Variants in AP5Z1 observed in about 807,000 individuals in gnomAD.
AP5Z1 encodes AP-5 complex subunit zeta-1.
Under a neutral mutation model 83.0 loss-of-function variants are expected in AP5Z1, and 106 were observed. That is an observed-to-expected ratio of 1.28 (90% CI 1.09 to 1.50). The LOEUF is 1.50. AP5Z1 is among the 40% of genes most tolerant of loss of function. The pLI is 0.00. For synonymous variants in AP5Z1, 751 were observed against 514.1 expected (o/e 1.46, Z -6.23); for missense variants, 1,565 against 1,094.2 (o/e 1.43, Z -6.07).
chr7:4,790,144 G>A, intron 14 of AP5Z1: 1 of 1,484,208 alleles, frequency 6.7e-7, no homozygotes. Flanking sequence ...TTTCTGCCGA[G>A]CCTGTCCTCT....
At chr7:4,778,618 T>G (rs1781285053) in intron 1 of AP5Z1, among the ~76,000 whole-genome samples, 1 of 151,844 alleles carries the variant, frequency 6.6e-6, no homozygotes, top group South Asian at 2.1e-4. Context: ...GGTTGGATTT[T>G]AGAGAGAAGC....
At chr7:4,790,990 G>A in intron 16 of AP5Z1, 103 bp downstream of exon 16, 1 of 1,470,356 alleles carries the variant, frequency 6.8e-7, no homozygotes, top group Non-Finnish European at 9.0e-7. Flanking sequence ...CAGCAGCGCA[G>A]GTCCTGGGTG....
Position 4,788,879 on chromosome 7 carries a change from CTGTGCCCGCGTGGCCCAG to C in AP5Z1, c.1643_1660del (p.Arg548_Ala553del). On this transcript the variant is annotated inframe_deletion, in exon 13 of 17. Coordinates refer to ENST00000649063, the MANE Select transcript of AP5Z1 (RefSeq NM_014855.3). ...ACCAGCTGCTGCAGCCCATGGCCGG[CTGTGCCCGCGTGGCCCAG>C]TGTGCCCAGGCCGTGCCCACGCTGC... 1 of 1,610,236 alleles carries C rather than the reference CTGTGCCCGCGTGGCCCAG, an allele frequency of 6.2e-7. No individual in the cohort carries two copies. The highest frequency in any genetic ancestry group is 8.5e-7 in the Non-Finnish European group (1 of 1,179,040).
intron 16 of AP5Z1, 51 bp from the exon 17 acceptor site, chr7:4,791,062 CCT>C (rs1562415370): frequency 1.3e-6 from 2 of 1,511,786 alleles, no homozygotes; most frequent in South Asian, 1.3e-5. Flanking sequence ...CACACAGACC[CCT>C]GTCCTGGGAG....
At position 4,784,988 on chromosome 7, in the gene AP5Z1, G is replaced by C. The variant is rs771137808; in HGVS notation, c.871G>C (p.Glu291Gln). 1.2e-6 allele frequency: 2 copies of C among 1,612,106 alleles called. No homozygotes were observed. Among genetic ancestry groups the C allele is most frequent in the Non-Finnish European group, 1.7e-6 (2 of 1,179,486 alleles). Residue 291 changes from glutamate (E) to glutamine (Q), a missense_variant, in exon 7 of 17, where the codon GAG becomes CAG. Transcript: ENST00000649063. The part of the protein sequence containing the change: ...SSAGRLLPPR[E>Q]RLREVAFEYC... ...TGCCGGCCGCCTGCTGCCGCCCCGG[G>C]AGCGGCTTCGGGAGGTGGCCTTCGA...
At chr7:4,778,766 T>G (rs2115097646) in intron 1 of AP5Z1, among the ~76,000 whole-genome samples, 1 of 146,586 alleles carries the variant, frequency 6.8e-6, no homozygotes, top group African/African-American at 2.5e-5. Flanking sequence ...ATATTATATA[T>G]TACATATATA....
At chr7:4,789,236 C>T (rs1045972450) in intron 13 of AP5Z1, among the ~76,000 whole-genome samples, 14 of 152,108 alleles carry the variant, frequency 9.2e-5, no homozygotes, top group African/African-American at 3.1e-4. Context: ...CCCTTCATCC[C>T]GGCAGGTCCT....
At chr7:4,788,694 C>G (rs978695042) in intron 12 of AP5Z1, 146 bp from the exon 13 acceptor site, 3 of 705,602 alleles carry the variant, frequency 4.3e-6, no homozygotes. Flanking sequence ...TCTCCCCAAA[C>G]CCAGGGGAGC....
chr7:4,785,283 C>G (rs543413744), intron 7 of AP5Z1, 132 bp from the exon 8 acceptor site: 54 of 1,352,950 alleles, frequency 4.0e-5, no homozygotes, highest in African/African-American at 1.9e-4. Flanking sequence ...CAGTCCCACT[C>G]AAGTCCTCCT....
rs1334397082 is a variant in AP5Z1, at chr7:4,790,765, G to A, written c.2031G>A (p.Leu677=). ...AGTTCTTCGAAGCCCTGGAGGCTCT[G>A]CTATTCGAGGTCACCCAGTGCCGCC... ...INKFFEALEA[L]LFEVTQCRPS... The change falls in exon 16 of 17, where the codon CTG becomes CTA. Residue 677 remains leucine, a synonymous_variant. Transcript: ENST00000649063. 1.9e-6 allele frequency: 3 copies of A among 1,608,752 alleles called. 1 individual carries two copies. The highest frequency in any genetic ancestry group is 1.3e-5 in the African/African-American group (1 of 74,956).
At position 4,791,560 on chromosome 7, in the gene AP5Z1, T is replaced by G; in HGVS notation, c.*175T>G. ...GGGGCTGGCCCCCCTGCTCACCCTC[T>G]GGGCTTTGTCTCCGAGCCTTTTGCT... On this transcript the variant is annotated 3_prime_UTR_variant, in exon 17 of 17. Transcript: ENST00000649063. 1.0e-6 allele frequency: 1 copy of G among 966,590 alleles called. No homozygotes were observed. The allele number at this position is 966,590 out of a possible 1,614,324, so 59.9% of individuals were successfully genotyped here. A position where few individuals can be genotyped will look rare whatever the true frequency, so the allele number is the denominator to read the frequency against.
intron 13 of AP5Z1, among the ~76,000 whole-genome samples, 165 bp from the exon 14 acceptor site, chr7:4,789,667 G>C (rs1033351205): frequency 9.2e-5 from 14 of 152,338 alleles, no homozygotes; most frequent in Middle Eastern, 6.8e-3. Context: ...CCCTGTGCCC[G>C]GATGCTGCCA....
In AP5Z1 at chr7:4,791,371, C is replaced by G; in HGVS notation, c.2410C>G (p.Leu804Val). ...VSRLVEREAG[L>V]MPG is the part of the protein sequence containing the mutation. ...CCGGCTGGTGGAGAGGGAGGCCGGC[C>G]TCATGCCAGGGTGAAGGGACAGTGG... Residue 804 changes from leucine to valine, a missense_variant, in exon 17 of 17, where the codon CTC becomes GTC. Transcript: ENST00000649063. 6.2e-7 allele frequency: 1 copy of G among 1,606,488 alleles called. No individual in the cohort carries two copies. Among genetic ancestry groups the G allele is most frequent in the Non-Finnish European group, 8.5e-7 (1 of 1,177,012 alleles).
In AP5Z1 at chr7:4,792,474, G is replaced by C. The variant is rs1157492192; in HGVS notation, c.*1089G>C. 6.6e-6 allele frequency: 1 copy of C among 152,356 alleles called. No individual in the cohort carries two copies. The highest frequency in any genetic ancestry group is 1.5e-5 in the Non-Finnish European group (1 of 68,172). The allele number at this position is 152,356 out of a possible 1,614,324, so 9.4% of individuals were successfully genotyped here. ...CCCCTTGCCCAGCCTCAGGACTATG[G>C]AGGGGGCGAGTGACGCGCAAGGAAC... On this transcript the variant is annotated 3_prime_UTR_variant, in exon 17 of 17. Coordinates refer to ENST00000649063, the MANE Select transcript of AP5Z1 (RefSeq NM_014855.3).
At chr7:4,781,781 G>C in intron 3 of AP5Z1, 27 bp downstream of exon 3, 1 of 1,510,506 alleles carries the variant, frequency 6.6e-7, no homozygotes, top group South Asian at 1.3e-5. Flanking sequence ...CACCCCAGTT[G>C]GCACCGGATG....
chr7:4,784,464 T>G, intron 6 of AP5Z1, 93 bp downstream of exon 6: 1 of 1,419,032 alleles, frequency 7.0e-7, no homozygotes, highest in South Asian at 1.4e-5. Flanking sequence ...GTGGGGGGAC[T>G]CGGGTGTGCC....
chr7:4,781,448 C>G (rs1379155825), intron 2 of AP5Z1, 120 bp from the exon 3 acceptor site: 1 of 1,534,460 alleles, frequency 6.5e-7, no homozygotes, highest in African/African-American at 1.4e-5. Context: ...GAAGGTCCAT[C>G]CTCATGTAAA....
chr7:4,789,163 T>G (rs530279931), intron 13 of AP5Z1: 77 of 515,600 alleles, frequency 1.5e-4, no homozygotes, highest in African/African-American at 1.4e-3. Context: ...CAGGCCCCGT[T>G]CCCCAGTCCC....
chr7:4,788,064 T>C, intron 11 of AP5Z1, 90 bp from the exon 12 acceptor site: 5 of 1,439,800 alleles, frequency 3.5e-6, no homozygotes, highest in Non-Finnish European at 4.6e-6. Flanking sequence ...GCTGTGATAT[T>C]AGGGACACCT....
Sources: allele counts gnomAD v4.1 joint callset (sites outside exome capture counted in the v4.1 genomes callset), GRCh38; gene constraint gnomAD v4.1.1; transcripts MANE v1.5; gene names NCBI Gene and HGNC (gene_info 2026-07-23, HGNC 2026-07-21).